Variants in GRM8 observed in about 807,000 individuals in gnomAD.
The protein encoded by GRM8 is glutamate metabotropic receptor 8, also known as metabotropic glutamate receptor 8.
Under a neutral mutation model 87.2 loss-of-function variants are expected in GRM8, and 47 were observed. The observed-to-expected ratio is 0.54, with a 90% confidence interval of 0.43 to 0.69. The LOEUF (loss-of-function observed/expected upper bound fraction) is 0.69. Ranked by LOEUF, GRM8 falls within the 30% of genes least tolerant of loss-of-function variation. GRM8 has a pLI of 0.00. For synonymous variants in GRM8, 396 were observed against 404.5 expected, an observed-to-expected ratio of 0.98 and a Z score of 0.25; for missense variants, 1,019 against 1,139.2, an observed-to-expected ratio of 0.89 and a Z score of 1.52.
intron 3 of GRM8, among the ~76,000 whole-genome samples, chr7:126,912,247 A>G (rs1362633180): frequency 6.6e-6 from 1 of 152,126 alleles, no homozygotes; most frequent in Non-Finnish European, 1.5e-5. Context: ...AGAAAAGATT[A>G]GCACTTGAAT....
chr7:126,918,663 T>C (rs1804183777), intron 3 of GRM8, among the ~76,000 whole-genome samples: 1 of 152,208 alleles, frequency 6.6e-6, no homozygotes, highest in African/African-American at 2.4e-5. Flanking sequence ...TTTATTCCTA[T>C]TATTGGAAAT....
intron 3 of GRM8, among the ~76,000 whole-genome samples, chr7:127,019,474 T>C (rs2132201013): frequency 6.6e-6 from 1 of 152,200 alleles, no homozygotes; most frequent in East Asian, 1.9e-4. Flanking sequence ...GATTCCAAAA[T>C]GTATGTCAAT....
intron 6 of GRM8, among the ~76,000 whole-genome samples, chr7:126,770,768 T>C (rs1818757200): frequency 6.6e-6 from 1 of 152,060 alleles, no homozygotes. Context: ...GGAAAAGAAA[T>C]ATATTTTAAA....
intron 2 of GRM8, among the ~76,000 whole-genome samples, chr7:127,108,961 T>G (rs1826079363): frequency 6.6e-6 from 1 of 152,144 alleles, no homozygotes; most frequent in Admixed American, 6.5e-5. Context: ...AGTTTTCAAG[T>G]TTTCATGAAG....
intron 3 of GRM8, among the ~76,000 whole-genome samples, chr7:127,094,004 A>G (rs1824405942): frequency 2.0e-5 from 3 of 152,232 alleles, no homozygotes; most frequent in Admixed American, 2.0e-4. Flanking sequence ...CAAGGAAACT[A>G]TATTTGTTGC....
chr7:126,872,589 C>A (rs542754594), intron 6 of GRM8, among the ~76,000 whole-genome samples: 2 of 152,286 alleles, frequency 1.3e-5, no homozygotes, highest in South Asian at 4.1e-4. Flanking sequence ...CACTCACCTT[C>A]TTTTGAGACC....
chr7:126,875,397 C>A (rs866046890), intron 6 of GRM8, among the ~76,000 whole-genome samples: 7 of 152,050 alleles, frequency 4.6e-5, no homozygotes, highest in African/African-American at 7.2e-5. Context: ...TTGGGATACC[C>A]ACAGAAGGGA....
intron 1 of GRM8, among the ~76,000 whole-genome samples, chr7:127,244,389 C>A (rs1798473040): frequency 6.6e-6 from 1 of 152,184 alleles, no homozygotes; most frequent in African/African-American, 2.4e-5. Context: ...GTGAAAAAGG[C>A]TACACGCAAA....
chr7:126,576,515 T>C (rs528322099), intron 8 of GRM8, among the ~76,000 whole-genome samples: 1 of 152,284 alleles, frequency 6.6e-6, no homozygotes, highest in East Asian at 1.9e-4. Flanking sequence ...ACTCCTGAGG[T>C]GAAGCGATTC....
At chr7:126,595,732 C>T (rs1363282247) in intron 8 of GRM8, among the ~76,000 whole-genome samples, 3 of 152,146 alleles carry the variant, frequency 2.0e-5, no homozygotes, top group African/African-American at 4.8e-5. Flanking sequence ...ATACGTACCA[C>T]ATTTTCTTTA....
chr7:127,064,179 G>T (rs1036789067), intron 3 of GRM8, among the ~76,000 whole-genome samples: 1 of 152,190 alleles, frequency 6.6e-6, no homozygotes, highest in East Asian at 1.9e-4. Flanking sequence ...GAATATCTTT[G>T]TTAATTTTCT....
intron 7 of GRM8, among the ~76,000 whole-genome samples, chr7:126,639,645 G>A (rs975431979): frequency 3.3e-5 from 5 of 152,118 alleles, no homozygotes; most frequent in African/African-American, 9.7e-5. Flanking sequence ...GAAGGGTATT[G>A]TTTCAAAAAG....
intron 7 of GRM8, among the ~76,000 whole-genome samples, chr7:126,742,362 A>G (rs1022641001): frequency 1.3e-5 from 2 of 152,116 alleles, no homozygotes; most frequent in Non-Finnish European, 2.9e-5. Context: ...TGAAAAGGCA[A>G]GGGAAAAGGC....
intron 10 of GRM8, among the ~76,000 whole-genome samples, chr7:126,443,528 G>A (rs187467024): frequency 3.4e-4 from 52 of 152,088 alleles, no homozygotes; most frequent in Non-Finnish European, 1.5e-4. Context: ...TCTCCTGAAT[G>A]AGTACACTGT....
At chr7:126,669,978 A>G (rs1264363661) in intron 7 of GRM8, among the ~76,000 whole-genome samples, 6 of 152,174 alleles carry the variant, frequency 3.9e-5, no homozygotes, top group Non-Finnish European at 7.4e-5. Flanking sequence ...TAACTTCAAA[A>G]AAGGGTATTA....
intron 7 of GRM8, among the ~76,000 whole-genome samples, chr7:126,637,273 A>T (rs1294393657): frequency 5.3e-5 from 8 of 152,094 alleles, no homozygotes. Flanking sequence ...TAAGCAAAAA[A>T]AGAAAATAAA....
At chr7:126,599,376 G>A (rs944082738) in intron 8 of GRM8, among the ~76,000 whole-genome samples, 10 of 152,004 alleles carry the variant, frequency 6.6e-5, no homozygotes, top group African/African-American at 2.4e-4. Context: ...GTGCTCCTCG[G>A]TTATACATTA....
intron 2 of GRM8, among the ~76,000 whole-genome samples, chr7:127,180,383 G>A (rs1028013910): frequency 7.2e-5 from 11 of 151,894 alleles, no homozygotes; most frequent in African/African-American, 1.9e-4. Flanking sequence ...AAAAGTCCGG[G>A]ACCAGACGGA....
chr7:126,553,616 T>C (rs536738664), intron 8 of GRM8, among the ~76,000 whole-genome samples: 48 of 152,268 alleles, frequency 3.2e-4, no homozygotes, highest in African/African-American at 1.1e-3. Context: ...AACCCTCTAG[T>C]ACATCTAATA....
Sources: allele counts gnomAD v4.1 joint callset (sites outside exome capture counted in the v4.1 genomes callset), GRCh38; gene constraint gnomAD v4.1.1; transcripts MANE v1.5; gene names NCBI Gene and HGNC (gene_info 2026-07-23, HGNC 2026-07-21).